The following SRFBP1 variants were observed in gnomAD, a reference collection of about 807,000 sequenced individuals.
The protein encoded by SRFBP1 is serum response factor-binding protein 1.
Under a neutral mutation model 45.5 loss-of-function variants are expected in SRFBP1, and 47 were observed. The ratio of observed to expected loss-of-function variants is 1.03; its 90% CI spans 0.82 to 1.32. The LOEUF (loss-of-function observed/expected upper bound fraction) is 1.32, where lower values mean the gene tolerates loss of function less well. Ranked by LOEUF, SRFBP1 falls within the 40% of genes most tolerant of loss-of-function variation. The pLI is 0.00. For synonymous variants in SRFBP1, 203 were observed against 166.3 expected (o/e 1.22, Z -1.70); for missense variants, 621 against 484.6 (o/e 1.28, Z -2.64).
intron 2 of SRFBP1, among the ~76,000 whole-genome samples, chr5:122,058,659 C>A (rs1346018979): frequency 6.6e-6 from 1 of 151,926 alleles, no homozygotes; most frequent in African/African-American, 2.4e-5. Context: ...CAAAAGCTAA[C>A]ACACTTCCCC....
At chr5:122,068,943 G>A (rs1754377653) in intron 2 of SRFBP1, among the ~76,000 whole-genome samples, 1 of 151,944 alleles carries the variant, frequency 6.6e-6, no homozygotes, top group South Asian at 2.1e-4. Context: ...GGTGGGGGTC[G>A]GGGGTTGGTT....
intron 3 of SRFBP1, among the ~76,000 whole-genome samples, chr5:121,980,547 G>A (rs1306661224): frequency 6.6e-6 from 1 of 151,942 alleles, no homozygotes; most frequent in Non-Finnish European, 1.5e-5. Flanking sequence ...TTCATTTTTT[G>A]AGAGCAATTT....
intron 3 of SRFBP1, among the ~76,000 whole-genome samples, chr5:121,979,208 T>C (rs1275576609): frequency 6.6e-6 from 1 of 152,214 alleles, no homozygotes; most frequent in African/African-American, 2.4e-5. Flanking sequence ...CTAGGGAGAA[T>C]CCCATTTTAG....
chr5:122,072,161 G>A (rs1009602955), intron 2 of SRFBP1, among the ~76,000 whole-genome samples: 1 of 152,116 alleles, frequency 6.6e-6, no homozygotes, highest in Non-Finnish European at 1.5e-5. Context: ...CATTTAAGAT[G>A]GGTTTACATA....
intron 2 of SRFBP1, among the ~76,000 whole-genome samples, chr5:122,054,068 C>A (rs896039865): frequency 5.9e-5 from 9 of 152,212 alleles, no homozygotes; most frequent in African/African-American, 2.2e-4. Context: ...AGCAATCTTA[C>A]TGCTTCCAGG....
chr5:122,020,237 C>G lies in SRFBP1; in HGVS notation c.502C>G (p.Gln168Glu). The G allele has an allele frequency of 1.2e-6, 2 of 1,612,298 alleles. No homozygotes were observed. Among genetic ancestry groups the G allele is most frequent in the South Asian group, 2.2e-5 (2 of 90,486 alleles). ...GCGTGAAGCAACTGTCATCAGTGAG[C>G]AAAAAGTCAAAGAAACCAAAATATT... is the stretch of plus-strand genomic sequence containing the variant. ...LQREATVISEQKVKETKILAK... is the reference protein window; with the variant it reads ...LQREATVISEEKVKETKILAK... Residue 168 changes from glutamine to glutamate, a missense_variant, in exon 6 of 8, where the codon CAA becomes GAA. By Grantham distance (29) the Gln-to-Glu change is conservative (BLOSUM62 2). Coordinates refer to ENST00000339397, the MANE Select transcript of SRFBP1 (RefSeq NM_152546.3).
At chr5:122,051,805 C>T (rs1753988474) in intron 2 of SRFBP1, among the ~76,000 whole-genome samples, 1 of 152,042 alleles carries the variant, frequency 6.6e-6, no homozygotes, top group South Asian at 2.1e-4. Flanking sequence ...ATGTTCTTAG[C>T]TGGTTATTAT....
intron 1 of SRFBP1, among the ~76,000 whole-genome samples, chr5:121,966,095 A>T (rs569991078): frequency 2.6e-5 from 4 of 152,256 alleles, no homozygotes; most frequent in African/African-American, 9.6e-5. Context: ...GGCTGAAACA[A>T]TGGGGTTTTC....
At chr5:122,077,647 G>A (rs751836249), downstream of SRFBP1, 9 of 1,609,662 alleles carry the variant, frequency 5.6e-6, no homozygotes, top group South Asian at 9.9e-5. This position sits in a 1 kb window ranked among gnomAD's most constrained non-coding sequence, Gnocchi z 4.9. Flanking sequence ...GGCGGCCAGC[G>A]GTGACTCCAG....
At chr5:122,067,868 T>C (rs994603365) in intron 2 of SRFBP1, among the ~76,000 whole-genome samples, 4 of 152,012 alleles carry the variant, frequency 2.6e-5, no homozygotes, top group Non-Finnish European at 4.4e-5. Flanking sequence ...AATTCAAATG[T>C]ATCCTAAAGT....
At chr5:121,975,477 T>C in intron 3 of SRFBP1, 90 bp downstream of exon 3, 1 of 1,404,442 alleles carries the variant, frequency 7.1e-7, no homozygotes, top group Non-Finnish European at 1.0e-6. Context: ...CTTATTTGAA[T>C]ATTCCCGAGA....
In SRFBP1 at chr5:122,070,747, C is replaced by T. The variant is rs551924053; in HGVS notation, n.312-4568C>T. ...CATCTCCCTTGAGAAGTATTTATTACTCAGCCTTATAGCACCTCCAGCTAA... is the reference window on the plus strand; with the variant it reads ...CATCTCCCTTGAGAAGTATTTATTATTCAGCCTTATAGCACCTCCAGCTAA... On this transcript the variant is annotated intron_variant and non_coding_transcript_variant, in intron 2 of 2. Coordinates refer to the SRFBP1 transcript ENST00000504881. 12 of 505,740 alleles carry T rather than the reference C, an allele frequency of 2.4e-5. 1 individual carries two copies. The South Asian group carries it at 2.9e-4, about 12-fold the overall frequency. The allele number at this position is 505,740 out of a possible 1,614,324, so 31.3% of individuals were successfully genotyped here. A position where few individuals can be genotyped will look rare whatever the true frequency, so the allele number is the denominator to read the frequency against.
chr5:121,980,752 CTT>C (rs773501485), intron 3 of SRFBP1, among the ~76,000 whole-genome samples: 7 of 152,042 alleles, frequency 4.6e-5, no homozygotes, highest in Non-Finnish European at 1.0e-4. Flanking sequence ...TAGGTTTTAA[CTT>C]TAAACTATGT....
At chr5:122,070,941 C>G (rs1754432712) in intron 2 of SRFBP1, among the ~76,000 whole-genome samples, 2 of 152,098 alleles carry the variant, frequency 1.3e-5, no homozygotes, top group African/African-American at 4.8e-5. Context: ...GCTCAAATGT[C>G]CTCTTCTCAG....
intron 2 of SRFBP1, among the ~76,000 whole-genome samples, chr5:122,051,149 C>T (rs1033326044): frequency 6.6e-6 from 1 of 151,932 alleles, no homozygotes; most frequent in Non-Finnish European, 1.5e-5. Context: ...TTTTAATTTG[C>T]TGAGTATTGT....
At chr5:122,001,546 CTTTTTTTTTTT>C (rs1166482651) in intron 4 of SRFBP1, among the ~76,000 whole-genome samples, 2 of 104,888 alleles carry the variant, frequency 1.9e-5, no homozygotes, top group African/African-American at 3.8e-5. Flanking sequence ...CCTTTGGTAT[CTTTTTTTTTTT>C]TTTTTTTTTT....
intron 7 of SRFBP1, among the ~76,000 whole-genome samples, 162 bp from the exon 8 acceptor site, chr5:122,026,780 C>T (rs766009290): frequency 6.6e-5 from 10 of 152,080 alleles, no homozygotes; most frequent in Admixed American, 1.3e-4. Flanking sequence ...AAATTTTCAA[C>T]TTCAAACTAT....
At chr5:122,042,614 A>T (rs765442079) in intron 2 of SRFBP1, among the ~76,000 whole-genome samples, 1 of 152,088 alleles carries the variant, frequency 6.6e-6, no homozygotes, top group Non-Finnish European at 1.5e-5. Context: ...CTTATTTTGC[A>T]TATTTGTGTT....
At chr5:122,034,704 A>T (rs970673528) in intron 2 of SRFBP1, among the ~76,000 whole-genome samples, 3 of 152,002 alleles carry the variant, frequency 2.0e-5, no homozygotes, top group Non-Finnish European at 4.4e-5. Flanking sequence ...AGTATATTTA[A>T]TGCTAAATTG....
Sources: allele counts gnomAD v4.1 joint callset (sites outside exome capture counted in the v4.1 genomes callset), GRCh38; gene constraint gnomAD v4.1.1; non-coding constraint Gnocchi (gnomAD v3.1); transcripts MANE v1.5; gene names NCBI Gene and HGNC (gene_info 2026-07-23, HGNC 2026-07-21).